The following MYO3A variants were observed in gnomAD, a reference collection of about 807,000 sequenced individuals.
MYO3A encodes myosin IIIA.
In MYO3A, 180 loss-of-function variants were observed where a neutral mutation model predicts 192.7. The observed-to-expected ratio is 0.93, with a 90% CI of 0.83 to 1.06. The LOEUF is 1.06. Ranked by LOEUF, MYO3A falls within the 50% of genes least tolerant of loss-of-function variation. The pLI, the probability that MYO3A is intolerant of heterozygous loss-of-function variation, is 0.00. For synonymous variants in MYO3A, 628 were observed against 645.3 expected (o/e 0.97, Z 0.41); for missense variants, 1,896 against 1,905.0 (o/e 1.00, Z 0.09).
intron 2 of MYO3A, among the ~76,000 whole-genome samples, chr10:25,941,008 AT>A (rs1176604409): frequency 1.3e-5 from 2 of 152,028 alleles, no homozygotes; most frequent in Non-Finnish European, 1.5e-5. Context: ...CCATTCTCTT[AT>A]TTTCTTCTCA....
chr10:26,039,207 A>ATG (rs1843199603), intron 10 of MYO3A, among the ~76,000 whole-genome samples: 4 of 106,856 alleles, frequency 3.7e-5, no homozygotes, highest in African/African-American at 1.6e-4. Context: ...GGCTCGGCTA[A>ATG]TTTTTTTTTT....
chr10:25,994,271 CCTT>C, intron 4 of MYO3A, among the ~76,000 whole-genome samples: 1 of 152,212 alleles, frequency 6.6e-6, no homozygotes, highest in Middle Eastern at 3.4e-3. Context: ...TATGTAATGG[CCTT>C]CTTTGTCTCT....
chr10:25,995,939 A>T (rs924386922), intron 4 of MYO3A, among the ~76,000 whole-genome samples: 1 of 152,244 alleles, frequency 6.6e-6, no homozygotes, highest in East Asian at 1.9e-4. Context: ...CAGAAAGGCA[A>T]CTCGGGGGTC....
rs144737698 is a variant in MYO3A at position 25,943,418 on chromosome 10, A to T, written c.-18+7588A>T. Among the ~76,000 whole-genome samples, 754 of 152,184 alleles carry T rather than the reference A, an allele frequency of 5.0e-3. 6 individuals are homozygous for T. Among genetic ancestry groups the T allele is most frequent in the African/African-American group, 0.017 (715 of 41,560 alleles). Reference sequence around the variant, plus strand: ...GTATTTATTTCTATTTCTGCAAAAAACATTGGGATTTTGCTAACAATTGCA... The same window carrying T: ...GTATTTATTTCTATTTCTGCAAAAATCATTGGGATTTTGCTAACAATTGCA... On this transcript the variant is annotated intron_variant, in intron 2 of 34. Transcript: ENST00000642920.
intron 10 of MYO3A, among the ~76,000 whole-genome samples, chr10:26,044,547 G>A (rs1387622750): frequency 6.6e-6 from 1 of 152,214 alleles, no homozygotes; most frequent in Non-Finnish European, 1.5e-5. Context: ...TTTGCTTTCT[G>A]CAGTGATAAG....
Position 25,983,416 on chromosome 10 carries a change from C to A in MYO3A, c.304-13074C>A, listed in dbSNP as rs550317129. Among the ~76,000 whole-genome samples, 24 of 152,086 alleles carry A rather than the reference C, an allele frequency of 1.6e-4. 1 individual carries two copies. Among genetic ancestry groups the A allele is most frequent in the African/African-American group, 5.8e-4 (24 of 41,490 alleles). Reference sequence around the variant, plus strand: ...GACTACAGGCGCCCGCCACCACGCCCAGCTAATTTTTTTTGTATTTTTAAT... The same window carrying A: ...GACTACAGGCGCCCGCCACCACGCCAAGCTAATTTTTTTTGTATTTTTAAT... On this transcript the variant is annotated intron_variant, in intron 4 of 34. Coordinates refer to ENST00000642920, the MANE Select transcript of MYO3A (RefSeq NM_017433.5).
At chr10:25,960,848 C>A (rs1837886659) in intron 4 of MYO3A, among the ~76,000 whole-genome samples, 1 of 152,070 alleles carries the variant, frequency 6.6e-6, no homozygotes, top group African/African-American at 2.4e-5. Context: ...AGTTCAAACC[C>A]TTGTTGTTTA....
At position 26,176,701 on chromosome 10, in the gene MYO3A, A is replaced by G. The variant is rs1842352805; in HGVS notation, c.4294A>G (p.Ile1432Val). ...ACCTGACACATGACCTTCTTTTTAG[A>G]TATCAAAGTTATCTGAAGAATATTT... ...ACGLAIFSKQISKLSEEYFIL... is the reference protein window; with the variant it reads ...ACGLAIFSKQVSKLSEEYFIL... Residue 1432 changes from isoleucine (I) to valine (V), a missense_variant and splice_region_variant, in exon 31 of 35, where the codon ATA becomes GTA. Ile to Val is a conservative substitution (Grantham distance 29, BLOSUM62 3). Transcript: ENST00000642920. 6.2e-7 allele frequency: 1 copy of G among 1,607,714 alleles called. No homozygotes were observed. The highest frequency in any genetic ancestry group is 1.7e-5 in the Admixed American group (1 of 59,978).
At chr10:25,957,258 A>T (rs1837612974) in intron 4 of MYO3A, among the ~76,000 whole-genome samples, 1 of 152,044 alleles carries the variant, frequency 6.6e-6, no homozygotes, top group Admixed American at 6.6e-5. Flanking sequence ...TGGTATTCTC[A>T]TGATAGTGAA....
intron 26 of MYO3A, among the ~76,000 whole-genome samples, chr10:26,164,209 G>A (rs909622603): frequency 2.6e-5 from 4 of 152,200 alleles, no homozygotes; most frequent in Admixed American, 2.6e-4. Flanking sequence ...AGCAAAGCTA[G>A]TGGAAGAAAC....
At chr10:26,104,753 A>T (rs1356414550) in intron 17 of MYO3A, among the ~76,000 whole-genome samples, 1 of 151,646 alleles carries the variant, frequency 6.6e-6, no homozygotes, top group Admixed American at 6.6e-5. Context: ...CCTCTTCCCC[A>T]TCTTACCTCC....
At chr10:26,088,063 A>T in intron 14 of MYO3A, 140 bp from the exon 15 acceptor site, 1 of 675,394 alleles carries the variant, frequency 1.5e-6, no homozygotes, top group South Asian at 2.2e-5. Flanking sequence ...ATAGACCAGG[A>T]TGTAACATCT....
intron 10 of MYO3A, among the ~76,000 whole-genome samples, chr10:26,029,258 T>C (rs1295123755): frequency 1.3e-5 from 2 of 151,080 alleles, no homozygotes; most frequent in African/African-American, 4.9e-5. Context: ...GTTTATCCTG[T>C]TAAAAATTCA....
intron 20 of MYO3A, among the ~76,000 whole-genome samples, chr10:26,132,657 C>G (rs1168092322): frequency 3.0e-5 from 4 of 133,438 alleles, no homozygotes; most frequent in Non-Finnish European, 6.6e-5. Flanking sequence ...TGACTATTAA[C>G]TGAACTAAAG....
At chr10:26,118,591 C>T (rs1838660110) in intron 17 of MYO3A, among the ~76,000 whole-genome samples, 1 of 151,738 alleles carries the variant, frequency 6.6e-6, no homozygotes, top group Admixed American at 6.6e-5. Flanking sequence ...ACTCTGAAAT[C>T]TCTGGTAGTT....
In MYO3A at chr10:25,965,556, C is replaced by T. The variant is rs373975724; in HGVS notation, c.303+10548C>T. Among the ~76,000 whole-genome samples the T allele has an allele frequency of 1.1e-3, 168 of 152,158 alleles. 1 individual carries two copies. The highest frequency in any genetic ancestry group is 1.8e-3 in the African/African-American group (73 of 41,526). ...GGCTGCCCCAGTTGGTGTCTCAGTT[C>T]GTTGCGTGATCCCCGAGTCCACTGT... On this transcript the variant is annotated intron_variant, in intron 4 of 34. Transcript: ENST00000642920.
chr10:26,195,811 T>C (rs2132167425), intron 32 of MYO3A, among the ~76,000 whole-genome samples: 1 of 152,306 alleles, frequency 6.6e-6, no homozygotes, highest in South Asian at 2.1e-4. Context: ...AAGAGAGCTC[T>C]TCCTATATCC....
chr10:26,095,856 G>A (rs555414448), intron 15 of MYO3A, among the ~76,000 whole-genome samples: 3 of 152,264 alleles, frequency 2.0e-5, no homozygotes, highest in African/African-American at 7.2e-5. Context: ...GTGGGCTTTG[G>A]GGTCAAATAG....
At chr10:26,155,973 G>T (rs144423053) in intron 25 of MYO3A, among the ~76,000 whole-genome samples, 69 of 152,290 alleles carry the variant, frequency 4.5e-4, no homozygotes, top group African/African-American at 1.5e-3. Flanking sequence ...CTAACATGAA[G>T]TGTGTTTTTA....
Sources: allele counts gnomAD v4.1 joint callset (sites outside exome capture counted in the v4.1 genomes callset), GRCh38; gene constraint gnomAD v4.1.1; transcripts MANE v1.5; gene names NCBI Gene and HGNC (gene_info 2026-07-23, HGNC 2026-07-21).